SLC4A4: variants seen among roughly 807,000 people sequenced by gnomAD.
SLC4A4 encodes the protein electrogenic sodium bicarbonate cotransporter 1.
SLC4A4 carries 27 observed loss-of-function variants against 111.5 expected under a neutral mutation model. The observed-to-expected ratio is 0.24, with a 90% CI of 0.18 to 0.33. The LOEUF (loss-of-function observed/expected upper bound fraction) is 0.33. Among genes scored for constraint, SLC4A4 ranks in the 10% least tolerant of loss-of-function variants. SLC4A4 has a pLI of 1.00. For synonymous variants in SLC4A4, 443 were observed against 463.4 expected (o/e 0.96, Z 0.57); for missense variants, 909 against 1,315.5 (o/e 0.69, Z 4.78).
chr4:71,223,980 A>G (rs1000901417), intron 1 of SLC4A4, among the ~76,000 whole-genome samples: 9 of 152,016 alleles, frequency 5.9e-5, no homozygotes, highest in African/African-American at 2.2e-4. Flanking sequence ...TTAGGAGCCC[A>G]GGTCCTCACT....
chr4:71,495,488 G>T (rs1054554815), intron 15 of SLC4A4, among the ~76,000 whole-genome samples: 2 of 152,068 alleles, frequency 1.3e-5, no homozygotes, highest in African/African-American at 4.8e-5. Context: ...AGCAGAGTTT[G>T]ATAAAAGCAA....
chr4:71,400,386 C>G (rs2148983885), intron 7 of SLC4A4, among the ~76,000 whole-genome samples: 1 of 152,204 alleles, frequency 6.6e-6, no homozygotes, highest in East Asian at 1.9e-4. Flanking sequence ...GTCTTTAAAA[C>G]CAGAATCTTC....
At chr4:71,089,395 C>T (rs1305817425) in intron 1 of SLC4A4, among the ~76,000 whole-genome samples, 1 of 152,100 alleles carries the variant, frequency 6.6e-6, no homozygotes, top group Non-Finnish European at 1.5e-5. Context: ...CTTCTCTCAA[C>T]TCGTCAAAGT....
chr4:71,114,203 G>A (rs955323187), intron 2 of SLC4A4, among the ~76,000 whole-genome samples: 20 of 152,244 alleles, frequency 1.3e-4, no homozygotes, highest in South Asian at 4.1e-4. Flanking sequence ...TCGAGATGGC[G>A]CCACTGCACT....
At position 71,090,499 on chromosome 4, in the gene SLC4A4, A is replaced by G. The variant is rs538056915; in HGVS notation, c.-64-2231A>G. Among the ~76,000 whole-genome samples the G allele has an allele frequency of 2.0e-5, 3 of 152,282 alleles. No individual in the cohort carries two copies. The South Asian group carries it at 6.2e-4, about 32-fold the overall frequency. On this transcript the variant is annotated intron_variant, in intron 1 of 26. Transcript: ENST00000649996. ...TCTTCTGCATCGTTCATGCTGGGTA[A>G]CAGTTTTTATTAAGAAATAAAAATG...
intron 14 of SLC4A4, among the ~76,000 whole-genome samples, chr4:71,482,797 T>C (rs4370107): frequency 0.95 from 144,619 of 151,588 alleles, 69,354 homozygotes; most frequent in East Asian, 1. Flanking sequence ...TACTATCTCA[T>C]CTTGAATTCT....
At chr4:71,522,209 C>A (rs2886107) in intron 16 of SLC4A4, among the ~76,000 whole-genome samples, 1 of 151,980 alleles carries the variant, frequency 6.6e-6, no homozygotes, top group Non-Finnish European at 1.5e-5. Context: ...TCTGTTCTAT[C>A]AGCCTCGAGT....
intron 4 of SLC4A4, among the ~76,000 whole-genome samples, chr4:71,340,081 G>A (rs1339896793): frequency 2.6e-5 from 4 of 151,914 alleles, no homozygotes; most frequent in South Asian, 4.2e-4. Flanking sequence ...AAAATCAGCC[G>A]GGCATGGTGG....
At chr4:71,096,108 T>C (rs895067136) in intron 2 of SLC4A4, among the ~76,000 whole-genome samples, 1 of 152,062 alleles carries the variant, frequency 6.6e-6, no homozygotes, top group East Asian at 1.9e-4. Context: ...GGTGGGACAG[T>C]TTAAATTTTG....
chr4:71,460,778 G>A (rs993614064), intron 12 of SLC4A4, among the ~76,000 whole-genome samples: 1 of 152,116 alleles, frequency 6.6e-6, no homozygotes, highest in Non-Finnish European at 1.5e-5. Flanking sequence ...GGGCACATGG[G>A]AATCACTTGG....
intron 3 of SLC4A4, among the ~76,000 whole-genome samples, chr4:71,291,564 C>T (rs570846788): frequency 2.6e-5 from 4 of 152,028 alleles, no homozygotes; most frequent in South Asian, 4.2e-4. Flanking sequence ...CTCAGCCTCC[C>T]GATTAGCAAG....
intron 20 of SLC4A4, among the ~76,000 whole-genome samples, chr4:71,553,795 G>A (rs559955245): frequency 1.3e-5 from 2 of 151,934 alleles, no homozygotes; most frequent in South Asian, 4.2e-4. Flanking sequence ...TGAGTGTGAT[G>A]TGTTCACCTC....
At chr4:71,227,626 T>G (rs1487884911) in intron 1 of SLC4A4, among the ~76,000 whole-genome samples, 2 of 152,270 alleles carry the variant, frequency 1.3e-5, no homozygotes, top group Non-Finnish European at 2.9e-5. Context: ...TCTTCTTTCC[T>G]TATTCTGCTG....
intron 7 of SLC4A4, among the ~76,000 whole-genome samples, chr4:71,435,174 G>A (rs776220519): frequency 5.3e-5 from 8 of 152,168 alleles, no homozygotes; most frequent in Non-Finnish European, 1.2e-4. Flanking sequence ...CAAGGCTACA[G>A]TAACCAAAAC....
chr4:71,460,789 G>A (rs1445087820), intron 12 of SLC4A4, among the ~76,000 whole-genome samples: 3 of 152,194 alleles, frequency 2.0e-5, no homozygotes, highest in African/African-American at 7.2e-5. Context: ...AATCACTTGG[G>A]GGACTTAAAA....
At chr4:71,464,913 A>T (rs771956406) in intron 12 of SLC4A4, among the ~76,000 whole-genome samples, 2 of 152,156 alleles carry the variant, frequency 1.3e-5, no homozygotes, top group Non-Finnish European at 2.9e-5. Context: ...AGTTGATTTA[A>T]AAAACAATTT....
chr4:71,540,512 A>T (rs1315016019), intron 18 of SLC4A4, among the ~76,000 whole-genome samples: 1 of 152,166 alleles, frequency 6.6e-6, no homozygotes, highest in Non-Finnish European at 1.5e-5. Context: ...AAGTCTTTTA[A>T]ACTTTAAAGG....
At chr4:71,254,034 A>G (rs930867445) in intron 2 of SLC4A4, among the ~76,000 whole-genome samples, 1 of 152,216 alleles carries the variant, frequency 6.6e-6, no homozygotes, top group African/African-American at 2.4e-5. Context: ...TACTGTGGAA[A>G]GTAGTTCATG....
chr4:71,180,586 C>A (rs943754406), intron 2 of SLC4A4, among the ~76,000 whole-genome samples: 4 of 151,856 alleles, frequency 2.6e-5, no homozygotes, highest in African/African-American at 9.7e-5. Flanking sequence ...ATGCAGCCAA[C>A]ACACATGAAA....
Sources: allele counts gnomAD v4.1 joint callset (sites outside exome capture counted in the v4.1 genomes callset), GRCh38; gene constraint gnomAD v4.1.1; transcripts MANE v1.5; gene names NCBI Gene and HGNC (gene_info 2026-07-23, HGNC 2026-07-21).